FBXL17: variants seen among roughly 807,000 people sequenced by gnomAD.
The protein encoded by FBXL17 is F-box/LRR-repeat protein 17.
In FBXL17, 22 loss-of-function variants were observed where a neutral mutation model predicts 66.2. That is an observed-to-expected ratio of 0.33 (90% confidence interval 0.24 to 0.47). The LOEUF is 0.47. FBXL17 is among the 20% of genes least tolerant of loss of function. The pLI is 1.00. For synonymous variants in FBXL17, 474 were observed against 400.5 expected (o/e 1.18, Z -2.19); for missense variants, 878 against 948.2 (o/e 0.93, Z 0.97).
chr5:108,298,578 A>G, intron 4 of FBXL17: 1 of 952,864 alleles, frequency 1.0e-6, no homozygotes, highest in Non-Finnish European at 1.2e-6. Flanking sequence ...GATGGGAAAC[A>G]ATGTTGTAAC....
At chr5:108,378,697 A>G (rs901175972) in intron 1 of FBXL17, among the ~76,000 whole-genome samples, 1 of 152,144 alleles carries the variant, frequency 6.6e-6, no homozygotes, top group Non-Finnish European at 1.5e-5. Context: ...TGGCGTATTC[A>G]CCCTGAGTCT....
chr5:107,935,842 G>T (rs895098825), intron 7 of FBXL17, among the ~76,000 whole-genome samples: 2 of 152,074 alleles, frequency 1.3e-5, no homozygotes, highest in Non-Finnish European at 2.9e-5. Flanking sequence ...AGCAAAGATT[G>T]TATCACCATA....
At chr5:108,202,142 A>G (rs1415826787) in intron 5 of FBXL17, among the ~76,000 whole-genome samples, 15 of 152,172 alleles carry the variant, frequency 9.9e-5, no homozygotes, top group Non-Finnish European at 2.2e-4. Flanking sequence ...TTTATGTTAA[A>G]GCCTGAAGCA....
intron 7 of FBXL17, among the ~76,000 whole-genome samples, chr5:107,975,742 G>A (rs1457295871): frequency 3.3e-5 from 5 of 151,446 alleles, no homozygotes; most frequent in Non-Finnish European, 4.4e-5. Context: ...AAGACACAAA[G>A]AATTCCAGAA....
rs567962175 is a variant in FBXL17, at chr5:108,056,452, G to C, written c.1746-35451C>G. Among the ~76,000 whole-genome samples the C allele has an allele frequency of 2.0e-5, 3 of 152,332 alleles. No homozygotes were observed. In the South Asian group the frequency reaches 6.2e-4, roughly 32 times the overall value. On this transcript the variant is annotated intron_variant, in intron 6 of 8. Transcript: ENST00000542267. ...TCACTCCCTTTCTGTGATTGGTTAT[G>C]TGCAAAATAGAAAACCCTAATATGA...
At chr5:108,376,960 G>A (rs1218003015) in intron 1 of FBXL17, among the ~76,000 whole-genome samples, 1 of 152,040 alleles carries the variant, frequency 6.6e-6, no homozygotes, top group Non-Finnish European at 1.5e-5. Context: ...CTTTTAACAT[G>A]TCTGGCCCTA....
intron 4 of FBXL17, among the ~76,000 whole-genome samples, chr5:108,243,838 A>G (rs1755972677): frequency 6.6e-6 from 1 of 152,190 alleles, no homozygotes; most frequent in Non-Finnish European, 1.5e-5. Context: ...CAGAAATAGT[A>G]TATACAATTT....
intron 7 of FBXL17, among the ~76,000 whole-genome samples, chr5:108,004,368 G>C (rs915129679): frequency 6.6e-6 from 1 of 151,982 alleles, no homozygotes; most frequent in East Asian, 1.9e-4. Context: ...GTAAGAAATT[G>C]TATCTTATTT....
In FBXL17 at chr5:108,272,152, G is replaced by C. The variant is rs115298304; in HGVS notation, c.1507-47924C>G. On this transcript the variant is annotated intron_variant, in intron 4 of 8. Transcript: ENST00000542267. ...AAAAATACAAACAAATTAGCCGCGT[G>C]TTGTGGTGGGCACTTGTAGTCCCAG... is the stretch of plus-strand genomic sequence containing the variant. 7.4e-4 allele frequency among the ~76,000 whole-genome samples: 112 copies of C among 152,134 alleles called. 1 individual carries two copies. The highest frequency in any genetic ancestry group is 2.2e-3 in the African/African-American group (90 of 41,540).
intron 5 of FBXL17, among the ~76,000 whole-genome samples, chr5:108,212,855 C>A (rs117763643): frequency 6.6e-6 from 1 of 152,134 alleles, no homozygotes; most frequent in Admixed American, 6.5e-5. Context: ...CTGGGAGGTA[C>A]GCTGCTCTTT....
chr5:108,127,299 A>G (rs1374494482), intron 6 of FBXL17, among the ~76,000 whole-genome samples: 1 of 152,238 alleles, frequency 6.6e-6, no homozygotes, highest in Admixed American at 6.5e-5. Context: ...CTGATACTCA[A>G]GAACTACAAT....
At chr5:108,352,101 G>A (rs1393585292) in intron 3 of FBXL17, among the ~76,000 whole-genome samples, 2 of 152,276 alleles carry the variant, frequency 1.3e-5, no homozygotes, top group African/African-American at 4.8e-5. Context: ...AAAGTCAGAT[G>A]TGGGGAACAG....
chr5:108,048,247 G>C (rs1003393102), intron 6 of FBXL17, among the ~76,000 whole-genome samples: 7 of 152,066 alleles, frequency 4.6e-5, no homozygotes, highest in African/African-American at 1.7e-4. Flanking sequence ...CAAACAGAAA[G>C]CAACAACAAC....
At chr5:108,016,110 C>A (rs1754376989) in intron 7 of FBXL17, among the ~76,000 whole-genome samples, 1 of 152,062 alleles carries the variant, frequency 6.6e-6, no homozygotes, top group African/African-American at 2.4e-5. Flanking sequence ...ATATGGCAGC[C>A]CAACTAAAAT....
intron 4 of FBXL17, among the ~76,000 whole-genome samples, chr5:108,340,903 T>C (rs1429764012): frequency 1.3e-5 from 2 of 152,118 alleles, no homozygotes; most frequent in Non-Finnish European, 2.9e-5. Flanking sequence ...GCAAGATACA[T>C]CTCTAAAACA....
At chr5:108,104,123 C>A (rs557860293) in intron 6 of FBXL17, among the ~76,000 whole-genome samples, 37 of 152,236 alleles carry the variant, frequency 2.4e-4, no homozygotes, top group African/African-American at 6.7e-4. Flanking sequence ...GCAACCTCCA[C>A]CTCCTGGGTT....
intron 5 of FBXL17, among the ~76,000 whole-genome samples, chr5:108,190,936 G>A (rs1204563406): frequency 6.6e-6 from 1 of 152,200 alleles, no homozygotes; most frequent in African/African-American, 2.4e-5. Context: ...AACTGCAGAT[G>A]CTGGGCAGCT....
chr5:108,110,550 T>C (rs1227786728), intron 6 of FBXL17, among the ~76,000 whole-genome samples: 1 of 152,198 alleles, frequency 6.6e-6, no homozygotes, highest in Non-Finnish European at 1.5e-5. Context: ...TTGAAAGTAG[T>C]TTCCTATTTA....
chr5:107,917,187 T>G (rs1750160833), intron 7 of FBXL17, among the ~76,000 whole-genome samples: 1 of 152,210 alleles, frequency 6.6e-6, no homozygotes, highest in African/African-American at 2.4e-5. Context: ...ACTGTTAACT[T>G]GCTAGAAGAG....
Sources: gnomAD v4.1 joint callset for allele counts (sites outside exome capture counted in the v4.1 genomes callset) on GRCh38, gnomAD v4.1.1 for gene constraint, MANE v1.5 for transcripts, NCBI Gene and HGNC (gene_info 2026-07-23, HGNC 2026-07-21) for gene names.